The following PCDHA3 variants were observed in gnomAD, a reference collection of about 807,000 sequenced individuals.
PCDHA3 encodes protocadherin alpha-3.
Under a neutral mutation model 62.2 loss-of-function variants are expected in PCDHA3, and 41 were observed. The observed-to-expected ratio is 0.66, with a 90% confidence interval of 0.51 to 0.86. The LOEUF is 0.86. Among genes scored for constraint, PCDHA3 ranks in the 40% least tolerant of loss-of-function variants. PCDHA3 has a pLI of 0.00. For synonymous variants in PCDHA3, 640 were observed against 555.4 expected (o/e 1.15, Z -2.14); for missense variants, 1,304 against 1,241.2 (o/e 1.05, Z -0.76).
At chr5:140,984,464 C>T (rs890686701) in intron 3 of PCDHA3, among the ~76,000 whole-genome samples, 1 of 152,184 alleles carries the variant, frequency 6.6e-6, no homozygotes, top group Non-Finnish European at 1.5e-5. Context: ...GTCCCAGCCC[C>T]TCTTGTATAA....
At chr5:140,850,480 C>G in intron 1 of PCDHA3, 1 of 1,597,900 alleles carries the variant, frequency 6.3e-7, no homozygotes, top group Non-Finnish European at 8.6e-7. Flanking sequence ...CTGACGGCCA[C>G]GGCCACTGTG....
At chr5:140,808,484 C>G in intron 1 of PCDHA3, 1 of 1,614,170 alleles carries the variant, frequency 6.2e-7, no homozygotes, top group Non-Finnish European at 8.5e-7. Flanking sequence ...CGGGGGCTCG[C>G]CTTCGCTGTG....
At chr5:140,890,697 C>G (rs1479609896) in intron 1 of PCDHA3, among the ~76,000 whole-genome samples, 1 of 152,124 alleles carries the variant, frequency 6.6e-6, no homozygotes, top group Non-Finnish European at 1.5e-5. Context: ...ATGCAGGGAC[C>G]TTACATTTTT....
rs1277390291 is a variant in PCDHA3 at position 140,926,661 on chromosome 5, A to T, written c.2395-52288A>T. 7.5e-6 allele frequency: 4 copies of T among 536,378 alleles called. No homozygotes were observed. In the African/African-American group the frequency reaches 7.9e-5, roughly 11 times the overall value. The allele number at this position is 536,378 out of a possible 1,614,324, so 33.2% of individuals were successfully genotyped here. A position where few individuals can be genotyped will look rare whatever the true frequency, so the allele number is the denominator to read the frequency against. On this transcript the variant is annotated intron_variant, in intron 1 of 3. Coordinates refer to ENST00000522353, the MANE Select transcript of PCDHA3 (RefSeq NM_018906.3). ...AACACCCGGCCGGCTCCGCTTTCCC[A>T]GACGGCTGCCCAGCCTCCAGCCTAG...
intron 1 of PCDHA3, chr5:140,855,963 A>C (rs1291137660): frequency 1.4e-6 from 2 of 1,404,396 alleles, no homozygotes; most frequent in Non-Finnish European, 1.9e-6. Context: ...TAAAAAATAG[A>C]TATAAGAAAT....
intron 1 of PCDHA3, among the ~76,000 whole-genome samples, chr5:140,949,318 T>C (rs1554218908): frequency 6.6e-6 from 1 of 151,876 alleles, no homozygotes; most frequent in African/African-American, 2.4e-5. Flanking sequence ...GATTTATAAA[T>C]ATAAATTATT....
At chr5:140,983,739 G>A (rs983923811) in intron 3 of PCDHA3, among the ~76,000 whole-genome samples, 1 of 152,194 alleles carries the variant, frequency 6.6e-6, no homozygotes, top group African/African-American at 2.4e-5. Context: ...TGGCTGGCTT[G>A]CAATAATCCA....
At chr5:140,944,543 G>C (rs2093667961) in intron 1 of PCDHA3, among the ~76,000 whole-genome samples, 1 of 152,142 alleles carries the variant, frequency 6.6e-6, no homozygotes, top group South Asian at 2.1e-4. Context: ...AGTATTTAAA[G>C]ATCATAGTTT....
At position 140,923,025 on chromosome 5, in the gene PCDHA3, C is replaced by G. The variant is rs547252764; in HGVS notation, c.2395-55924C>G. ...GGTTGTTGGACTGCAGTTTCGGACTCTATTACTACATGTATAGTATTTAGA... is the reference window on the plus strand; with the variant it reads ...GGTTGTTGGACTGCAGTTTCGGACTGTATTACTACATGTATAGTATTTAGA... On this transcript the variant is annotated intron_variant, in intron 1 of 3. Coordinates refer to ENST00000522353, the MANE Select transcript of PCDHA3 (RefSeq NM_018906.3). 2.6e-5 allele frequency among the ~76,000 whole-genome samples: 4 copies of G among 152,296 alleles called. No homozygotes were observed. The East Asian group carries it at 7.7e-4, about 29-fold the overall frequency.
intron 1 of PCDHA3, among the ~76,000 whole-genome samples, chr5:140,973,587 C>T (rs2096594455): frequency 6.6e-6 from 1 of 152,194 alleles, no homozygotes; most frequent in African/African-American, 2.4e-5. Flanking sequence ...ACTGCTGAGC[C>T]AGATGGAATT....
chr5:140,870,382 C>T, intron 1 of PCDHA3: 1 of 1,614,178 alleles, frequency 6.2e-7, no homozygotes, highest in Non-Finnish European at 8.5e-7. Context: ...GGTGACTGCG[C>T]GGGATGGGGG....
Position 141,010,391 on chromosome 5 carries a change from C to T in PCDHA3, c.*454C>T, listed in dbSNP as rs976643195. The T allele has an allele frequency of 2.2e-5, 30 of 1,386,642 alleles. No homozygotes were observed. Among genetic ancestry groups the T allele is most frequent in the South Asian group, 2.9e-5 (2 of 68,924 alleles). The allele number at this position is 1,386,642 out of a possible 1,614,324, so 85.9% of individuals were successfully genotyped here. A position where few individuals can be genotyped will look rare whatever the true frequency, so the allele number is the denominator to read the frequency against. The stretch of plus-strand genomic sequence containing the variant: ...TGCGAGTGCCAGATATTGGCTGAGA[C>T]GAGCCAGCTTAGACTAATTGGTACA... On this transcript the variant is annotated 3_prime_UTR_variant, in exon 4 of 4. Transcript: ENST00000522353.
At chr5:140,929,189 A>G (rs782622519) in intron 1 of PCDHA3, 62 of 1,614,180 alleles carry the variant, frequency 3.8e-5, no homozygotes, top group Non-Finnish European at 4.7e-5. Flanking sequence ...GGTTCTGATA[A>G]TAACAGTTTG....
chr5:140,923,000 G>A (rs1554201089), intron 1 of PCDHA3, among the ~76,000 whole-genome samples: 2 of 152,220 alleles, frequency 1.3e-5, no homozygotes, highest in African/African-American at 4.8e-5. Context: ...CCATGAGAAT[G>A]GTTGTTGGAC....
rs782810123 is a variant in PCDHA3, at chr5:140,876,271, T to C, written c.2394+72680T>C. 1.9e-6 allele frequency: 3 copies of C among 1,613,926 alleles called. No individual in the cohort carries two copies. In the African/African-American group the frequency reaches 4.0e-5, roughly 22 times the overall value. On this transcript the variant is annotated intron_variant, in intron 1 of 3. Coordinates refer to ENST00000522353, the MANE Select transcript of PCDHA3 (RefSeq NM_018906.3). ...CACAAGAGTGATCCAACTAAATGCTTCCGATCCAGACGAAGGACTTAATGG... is the reference window on the plus strand; with the variant it reads ...CACAAGAGTGATCCAACTAAATGCTCCCGATCCAGACGAAGGACTTAATGG...
At chr5:140,916,641 G>T (rs781877597) in intron 1 of PCDHA3, among the ~76,000 whole-genome samples, 2 of 152,150 alleles carry the variant, frequency 1.3e-5, no homozygotes, top group African/African-American at 2.4e-5. Context: ...TCCTACTGTG[G>T]CTGAGCTGGT....
intron 1 of PCDHA3, chr5:140,807,660 C>T (rs1307238729): frequency 1.1e-5 from 17 of 1,614,106 alleles, no homozygotes; most frequent in Non-Finnish European, 1.4e-5. Flanking sequence ...GAGGGCGCCT[C>T]GGATGCAGAT....
intron 1 of PCDHA3, among the ~76,000 whole-genome samples, chr5:140,950,636 T>A (rs528587890): frequency 1.4e-3 from 206 of 152,222 alleles, no homozygotes; most frequent in Non-Finnish European, 2.4e-3. Flanking sequence ...TTTATTTTTA[T>A]CCTGTTTATG....
intron 1 of PCDHA3, chr5:140,823,713 T>G: frequency 6.2e-7 from 1 of 1,613,916 alleles, no homozygotes; most frequent in Admixed American, 1.7e-5. Flanking sequence ...GCCACCGCCT[T>G]CTGGTGCTGG....
Sources: allele counts gnomAD v4.1 joint callset (sites outside exome capture counted in the v4.1 genomes callset), GRCh38; gene constraint gnomAD v4.1.1; transcripts MANE v1.5; gene names NCBI Gene and HGNC (gene_info 2026-07-23, HGNC 2026-07-21).